MAGI1: variants seen among roughly 807,000 people sequenced by gnomAD.
The protein encoded by MAGI1 is membrane associated guanylate kinase, WW and PDZ domain containing 1, also known as membrane-associated guanylate kinase, WW and PDZ domain-containing protein 1.
MAGI1 carries 58 observed loss-of-function variants against 139.9 expected under a neutral mutation model. The ratio of observed to expected loss-of-function variants is 0.41; its 90% CI spans 0.34 to 0.52. MAGI1 has a LOEUF of 0.52. MAGI1 is among the 20% of genes least tolerant of loss of function. The probability of loss-of-function intolerance (pLI) is 0.12; values close to 1 mark genes in which losing one functional copy is unlikely to be tolerated. For synonymous variants in MAGI1, 812 were observed against 737.9 expected, an observed-to-expected ratio of 1.10 and a Z score of -1.63; for missense variants, 1,874 against 1,901.6, an observed-to-expected ratio of 0.99 and a Z score of 0.27.
intron 1 of MAGI1, among the ~76,000 whole-genome samples, chr3:65,732,612 TA>T (rs1375775360): frequency 3.9e-5 from 6 of 152,224 alleles, no homozygotes; most frequent in African/African-American, 1.4e-4. Context: ...TGAAGTTGAA[TA>T]GAATGAGGAT....
Position 65,441,153 on chromosome 3 carries a change from G to A in MAGI1, c.1137-1141C>T, listed in dbSNP as rs539939308. Among the ~76,000 whole-genome samples the A allele has an allele frequency of 2.9e-4, 44 of 151,980 alleles. 1 individual carries two copies. The highest frequency in any genetic ancestry group is 2.5e-3 in the East Asian group (13 of 5,146). On this transcript the variant is annotated intron_variant, in intron 8 of 22. Coordinates refer to ENST00000402939, the MANE Select transcript of MAGI1 (RefSeq NM_001033057.2). The stretch of plus-strand genomic sequence containing the variant: ...TTTTTGTATTTTCAGTAGAAATGGC[G>A]TTTCACCATGTAGGCCAGGCTGGTC...
chr3:65,884,151 G>A (rs1228066682), intron 1 of MAGI1, among the ~76,000 whole-genome samples: 2 of 152,178 alleles, frequency 1.3e-5, no homozygotes, highest in African/African-American at 4.8e-5. Flanking sequence ...CAAGGTGATG[G>A]TCAACTAATT....
intron 1 of MAGI1, among the ~76,000 whole-genome samples, chr3:65,765,459 G>A (rs1363679913): frequency 1.3e-5 from 2 of 152,156 alleles, no homozygotes; most frequent in African/African-American, 4.8e-5. Context: ...TAGGAGAGGT[G>A]TACTACTCTA....
chr3:65,958,934 C>T (rs1487365251), intron 1 of MAGI1, among the ~76,000 whole-genome samples: 1 of 151,940 alleles, frequency 6.6e-6, no homozygotes, highest in African/African-American at 2.4e-5. Context: ...ATACAGTGAG[C>T]TGAGATCGTG....
At chr3:65,594,724 C>T (rs1034975215) in intron 2 of MAGI1, among the ~76,000 whole-genome samples, 3 of 152,052 alleles carry the variant, frequency 2.0e-5, no homozygotes, top group African/African-American at 4.8e-5. Flanking sequence ...ATGGTGATTA[C>T]TAAATGAACA....
chr3:65,859,211 T>C (rs1368068291), intron 1 of MAGI1, among the ~76,000 whole-genome samples: 1 of 151,918 alleles, frequency 6.6e-6, no homozygotes, highest in East Asian at 1.9e-4. Context: ...CGCATGCCTG[T>C]AATCCCAGCT....
intron 1 of MAGI1, among the ~76,000 whole-genome samples, chr3:65,905,241 C>T (rs1462814214): frequency 6.6e-6 from 1 of 152,164 alleles, no homozygotes; most frequent in Non-Finnish European, 1.5e-5. Context: ...CCAGCTGTTT[C>T]TTATTTCCCA....
At chr3:65,516,514 A>G (rs2077887316) in intron 2 of MAGI1, among the ~76,000 whole-genome samples, 1 of 152,068 alleles carries the variant, frequency 6.6e-6, no homozygotes, top group Non-Finnish European at 1.5e-5. Context: ...AATAATAAAT[A>G]GTAGCATGCA....
intron 12 of MAGI1, among the ~76,000 whole-genome samples, chr3:65,412,474 A>AT (rs1945867559): frequency 6.6e-6 from 1 of 152,162 alleles, no homozygotes; most frequent in African/African-American, 2.4e-5. Flanking sequence ...TCTATTATTT[A>AT]TATTGTTTAT....
intron 2 of MAGI1, among the ~76,000 whole-genome samples, chr3:65,551,298 C>T (rs1314659071): frequency 6.6e-6 from 1 of 152,100 alleles, no homozygotes; most frequent in Non-Finnish European, 1.5e-5. Flanking sequence ...AAACCACTTT[C>T]CTTTTTTATT....
Position 65,812,468 on chromosome 3 carries a change from T to TCTCTCACACACACACA in MAGI1, c.314-190381_314-190380insTGTGTGTGTGTGAGAG, listed in dbSNP as rs1176899313. ...CTTTCTCTCTCTCTCTCTCTCTCTC[T>TCTCTCACACACACACA]CACACACACACACACACACACACTT... On this transcript the variant is annotated intron_variant, in intron 1 of 22. Coordinates refer to ENST00000402939, the MANE Select transcript of MAGI1 (RefSeq NM_001033057.2). Among the ~76,000 whole-genome samples, 240 of 89,148 alleles carry TCTCTCACACACACACA rather than the reference T, an allele frequency of 2.7e-3. 2 individuals carry two copies. The highest frequency in any genetic ancestry group is 6.6e-3 in the African/African-American group (206 of 31,288). 58.5% of individuals were successfully genotyped at this position (89,148 alleles called of 152,430 possible). A position where few individuals can be genotyped will look rare whatever the true frequency, so the allele number is the denominator to read the frequency against.
intron 1 of MAGI1, among the ~76,000 whole-genome samples, chr3:65,921,599 C>T (rs1439510661): frequency 6.6e-6 from 1 of 152,034 alleles, no homozygotes; most frequent in Admixed American, 6.6e-5. Flanking sequence ...CATGAGCCAC[C>T]GTGCCCGGCT....
intron 1 of MAGI1, among the ~76,000 whole-genome samples, chr3:65,645,244 C>G (rs986882085): frequency 1.3e-5 from 2 of 151,662 alleles, no homozygotes; most frequent in African/African-American, 4.8e-5. Flanking sequence ...TTTAAAAATC[C>G]ACACCAAAAT....
chr3:65,657,157 A>G (rs986612511), intron 1 of MAGI1, among the ~76,000 whole-genome samples: 2 of 152,104 alleles, frequency 1.3e-5, no homozygotes, highest in Admixed American at 1.3e-4. Flanking sequence ...AGTAGGTACT[A>G]TTCTTATCCC....
chr3:65,463,204 CT>C (rs1178443470), intron 5 of MAGI1, among the ~76,000 whole-genome samples: 1 of 152,156 alleles, frequency 6.6e-6, no homozygotes, highest in Admixed American at 6.5e-5. Context: ...ATGCTTCCAG[CT>C]TTTGCCCATT....
chr3:66,014,082 C>T (rs1195589621), intron 1 of MAGI1, among the ~76,000 whole-genome samples: 6 of 152,120 alleles, frequency 3.9e-5, no homozygotes, highest in African/African-American at 7.2e-5. Flanking sequence ...TATGTCACAG[C>T]CCATTTCCCA....
At chr3:65,578,877 C>T (rs1027598626) in intron 2 of MAGI1, among the ~76,000 whole-genome samples, 8 of 151,746 alleles carry the variant, frequency 5.3e-5, no homozygotes, top group Admixed American at 2.0e-4. Context: ...GGTGAGATCG[C>T]GCCACTACAA....
chr3:66,000,455 A>C (rs1249878191), intron 1 of MAGI1, among the ~76,000 whole-genome samples: 1 of 152,212 alleles, frequency 6.6e-6, no homozygotes, highest in Non-Finnish European at 1.5e-5. Context: ...GGGTTTAAAA[A>C]AAAAAATTTT....
At chr3:65,633,440 G>T (rs2084425452) in intron 1 of MAGI1, among the ~76,000 whole-genome samples, 2 of 152,182 alleles carry the variant, frequency 1.3e-5, no homozygotes, top group African/African-American at 4.8e-5. Flanking sequence ...TGCTGATGAA[G>T]CTCAAGAAGC....
Sources: allele counts gnomAD v4.1 joint callset (sites outside exome capture counted in the v4.1 genomes callset), GRCh38; gene constraint gnomAD v4.1.1; transcripts MANE v1.5; gene names NCBI Gene and HGNC (gene_info 2026-07-23, HGNC 2026-07-21).